SYNJ2BP: variants seen among roughly 807,000 people sequenced by gnomAD.
The protein encoded by SYNJ2BP is synaptojanin-2-binding protein.
SYNJ2BP carries 10 observed loss-of-function variants against 16.9 expected under a neutral mutation model. That is an observed-to-expected ratio of 0.59 (90% CI 0.36 to 1.00). The LOEUF is 1.00. Ranked by LOEUF, SYNJ2BP falls within the 50% of genes least tolerant of loss-of-function variation. The probability of loss-of-function intolerance (pLI) is 0.01; values close to 1 mark genes in which losing one functional copy is unlikely to be tolerated. For synonymous variants in SYNJ2BP, 54 were observed against 68.4 expected, an observed-to-expected ratio of 0.79 and a Z score of 1.04; for missense variants, 162 against 186.7, an observed-to-expected ratio of 0.87 and a Z score of 0.77.
At chr14:70,399,382 A>G (rs957850567) in intron 1 of SYNJ2BP, among the ~76,000 whole-genome samples, 3 of 152,108 alleles carry the variant, frequency 2.0e-5, no homozygotes, top group African/African-American at 7.2e-5. Context: ...GGCTCCATGG[A>G]GCAAGGCACT....
In SYNJ2BP at chr14:70,417,038, C is replaced by G; in HGVS notation, c.-75G>C. 6.2e-7 allele frequency: 1 copy of G among 1,610,544 alleles called. No individual in the cohort carries two copies. Among genetic ancestry groups the G allele is most frequent in the Non-Finnish European group, 8.5e-7 (1 of 1,178,140 alleles). On this transcript the variant is annotated 5_prime_UTR_variant, in exon 1 of 4. Coordinates refer to ENST00000256366, the MANE Select transcript of SYNJ2BP (RefSeq NM_018373.3). The stretch of plus-strand genomic sequence containing the variant: ...AGGTGAAGGTGAATCAATCTCGGCG[C>G]TGCGCCCACAGCACAGCGGTTTCGG...
intron 1 of SYNJ2BP, among the ~76,000 whole-genome samples, chr14:70,389,608 T>C (rs1184365038): frequency 6.6e-6 from 1 of 152,206 alleles, no homozygotes; most frequent in Non-Finnish European, 1.5e-5. Context: ...TTGGAATATT[T>C]GAATTAAACT....
chr14:70,376,505 C>T (rs1285714991), intron 2 of SYNJ2BP, among the ~76,000 whole-genome samples: 2 of 152,170 alleles, frequency 1.3e-5, no homozygotes, highest in Non-Finnish European at 2.9e-5. Flanking sequence ...ATCTATCTAT[C>T]CTATGCTGTA....
At chr14:70,399,448 A>G (rs1465326735) in intron 1 of SYNJ2BP, among the ~76,000 whole-genome samples, 2 of 152,190 alleles carry the variant, frequency 1.3e-5, no homozygotes, top group East Asian at 3.9e-4. Context: ...GCAGCAGGCA[A>G]GAGAGGCAAT....
chr14:70,390,157 C>T (rs955919624), intron 1 of SYNJ2BP, among the ~76,000 whole-genome samples: 2 of 151,566 alleles, frequency 1.3e-5, no homozygotes, highest in Non-Finnish European at 2.9e-5. Flanking sequence ...GTACAGAAAC[C>T]GTTGTTAGGA....
intron 2 of SYNJ2BP, among the ~76,000 whole-genome samples, chr14:70,384,687 A>G (rs1014333328): frequency 2.0e-5 from 3 of 151,966 alleles, no homozygotes; most frequent in Non-Finnish European, 2.9e-5. Flanking sequence ...TGGTTGTTTG[A>G]TAAGTGTCTG....
At chr14:70,391,510 G>T (rs1887980358) in intron 1 of SYNJ2BP, among the ~76,000 whole-genome samples, 2 of 152,220 alleles carry the variant, frequency 1.3e-5, no homozygotes, top group Non-Finnish European at 2.9e-5. Flanking sequence ...TCAAAACTGT[G>T]ACAGCTTTGA....
intron 2 of SYNJ2BP, among the ~76,000 whole-genome samples, chr14:70,382,223 G>A (rs779262332): frequency 6.6e-6 from 1 of 152,136 alleles, no homozygotes; most frequent in Non-Finnish European, 1.5e-5. Flanking sequence ...GTGACAGAGG[G>A]AGACTCTGTC....
At chr14:70,411,462 A>G (rs1233102441) in intron 1 of SYNJ2BP, among the ~76,000 whole-genome samples, 1 of 152,232 alleles carries the variant, frequency 6.6e-6, no homozygotes, top group Non-Finnish European at 1.5e-5. Context: ...AGAAAGATTA[A>G]GTTTCCATAC....
chr14:70,403,847 C>A (rs1276927830), intron 1 of SYNJ2BP, among the ~76,000 whole-genome samples: 4 of 152,198 alleles, frequency 2.6e-5, no homozygotes, highest in African/African-American at 9.7e-5. Context: ...CTCTTCGGGT[C>A]TGGATCAGGA....
chr14:70,411,125 T>G (rs1178774970), intron 1 of SYNJ2BP, among the ~76,000 whole-genome samples: 2 of 152,228 alleles, frequency 1.3e-5, no homozygotes, highest in Admixed American at 1.3e-4. Flanking sequence ...AAGTTATTTA[T>G]AATGATTCAG....
chr14:70,396,005 T>C (rs1040448493), intron 1 of SYNJ2BP, among the ~76,000 whole-genome samples: 1 of 152,376 alleles, frequency 6.6e-6, no homozygotes, highest in South Asian at 2.1e-4. Flanking sequence ...CTTTTGTATG[T>C]ACATACCACA....
Position 70,392,017 on chromosome 14 carries a change from C to T in SYNJ2BP, c.65-3411G>A, listed in dbSNP as rs140684131. ...CATGACCAACTGAACCTGGGCTGTACGGATACCTACATAATCCCCAGTTCA... is the reference window on the plus strand; with the variant it reads ...CATGACCAACTGAACCTGGGCTGTATGGATACCTACATAATCCCCAGTTCA... On this transcript the variant is annotated intron_variant, in intron 1 of 3. Transcript: ENST00000256366. Among the ~76,000 whole-genome samples the T allele has an allele frequency of 2.6e-4, 40 of 152,336 alleles. 1 individual carries two copies. The highest frequency in any genetic ancestry group is 9.6e-4 in the African/African-American group (40 of 41,572).
At chr14:70,392,697 C>A (rs971962712) in intron 1 of SYNJ2BP, among the ~76,000 whole-genome samples, 4 of 152,270 alleles carry the variant, frequency 2.6e-5, no homozygotes, top group African/African-American at 9.6e-5. Context: ...TAAACAGGAA[C>A]TCAAACTTAT....
intron 1 of SYNJ2BP, among the ~76,000 whole-genome samples, chr14:70,401,050 T>C (rs1034930806): frequency 5.9e-5 from 9 of 152,182 alleles, no homozygotes; most frequent in African/African-American, 1.2e-4. Flanking sequence ...ATAACACTTA[T>C]GGGACATCCT....
intron 1 of SYNJ2BP, among the ~76,000 whole-genome samples, chr14:70,400,879 T>C (rs1048536300): frequency 2.0e-5 from 3 of 152,212 alleles, no homozygotes; most frequent in African/African-American, 2.4e-5. Context: ...GCTAGGGGTG[T>C]GGCATATGTT....
chr14:70,403,230 T>C (rs1472268979), intron 1 of SYNJ2BP, among the ~76,000 whole-genome samples: 3 of 152,202 alleles, frequency 2.0e-5, no homozygotes, highest in African/African-American at 7.2e-5. Flanking sequence ...AAGAATCTTA[T>C]AAAGCTATAA....
chr14:70,413,108 T>A (rs1227258471), intron 1 of SYNJ2BP, among the ~76,000 whole-genome samples: 1 of 152,226 alleles, frequency 6.6e-6, no homozygotes, highest in Non-Finnish European at 1.5e-5. Context: ...ATTCTTCAGC[T>A]CATACTATTA....
chr14:70,406,011 A>G (rs550555066), intron 1 of SYNJ2BP, among the ~76,000 whole-genome samples: 1 of 152,342 alleles, frequency 6.6e-6, no homozygotes, highest in Admixed American at 6.5e-5. Context: ...TTCAACCTGC[A>G]TTATTTGACA....
Sources: gnomAD v4.1 joint callset for allele counts (sites outside exome capture counted in the v4.1 genomes callset) on GRCh38, gnomAD v4.1.1 for gene constraint, MANE v1.5 for transcripts, NCBI Gene and HGNC (gene_info 2026-07-23, HGNC 2026-07-21) for gene names.